The following ZC3H12B variants were observed in gnomAD, a reference collection of about 807,000 sequenced individuals.
ZC3H12B encodes probable ribonuclease ZC3H12B.
A neutral mutation model predicts 43.9 loss-of-function variants in ZC3H12B; 7 were observed. That is an observed-to-expected ratio of 0.16 (90% CI 0.09 to 0.30). The LOEUF is 0.30. Among genes scored for constraint, ZC3H12B ranks in the 10% least tolerant of loss-of-function variants. The probability of loss-of-function intolerance (pLI) is 1.00; values close to 1 mark genes in which losing one functional copy is unlikely to be tolerated. For synonymous variants in ZC3H12B, 222 were observed against 241.7 expected, an observed-to-expected ratio of 0.92 and a Z score of 0.76; for missense variants, 475 against 670.2, an observed-to-expected ratio of 0.71 and a Z score of 3.22.
the ZC3H12B span, among the ~76,000 whole-genome samples, chrX:65,224,544 C>G: frequency 8.9e-6 from 1 of 112,695 alleles, no homozygotes; most frequent in East Asian, 2.8e-4. Context: ...GTGCAGTGCA[C>G]CGTGCATGAG....
the ZC3H12B span, among the ~76,000 whole-genome samples, chrX:65,326,954 A>G: frequency 9.0e-6 from 1 of 111,426 alleles, no homozygotes; most frequent in South Asian, 3.7e-4. Flanking sequence ...TACAATGGCT[A>G]TTATCAAAAA....
At chrX:65,266,727 G>T in the ZC3H12B span, among the ~76,000 whole-genome samples, 1 of 111,286 alleles carries the variant, frequency 9.0e-6, no homozygotes, top group African/African-American at 3.3e-5. Flanking sequence ...AAAGAATTGT[G>T]TTTATGGGTT....
the ZC3H12B span, among the ~76,000 whole-genome samples, chrX:65,243,429 C>G: frequency 9.0e-6 from 1 of 111,722 alleles, no homozygotes; most frequent in East Asian, 2.8e-4. Flanking sequence ...TATCTTACTC[C>G]AGTTAGAATG....
chrX:65,479,055 C>T (rs1415749447), intron 3 of ZC3H12B, among the ~76,000 whole-genome samples: 3 of 112,269 alleles, frequency 2.7e-5, no homozygotes, highest in East Asian at 5.6e-4. Flanking sequence ...CTCTAAATCA[C>T]ATCAAATAAA....
the ZC3H12B span, among the ~76,000 whole-genome samples, chrX:65,142,106 G>T: frequency 8.9e-6 from 1 of 112,009 alleles, no homozygotes; most frequent in Admixed American, 9.5e-5. Context: ...CATAGTGGTT[G>T]TACTAGTTTA....
intron 2 of ZC3H12B, among the ~76,000 whole-genome samples, chrX:65,388,100 A>T (rs1376733914): frequency 9.0e-6 from 1 of 111,260 alleles, no homozygotes; most frequent in Non-Finnish European, 1.9e-5. Context: ...AACTTTGGTG[A>T]ATCTGACAAT....
chrX:65,496,721 C>T (rs1251397759), intron 1 of ZC3H12B, among the ~76,000 whole-genome samples: 4 of 111,000 alleles, frequency 3.6e-5, no homozygotes, highest in Non-Finnish European at 5.7e-5. Context: ...TTTGGGAGGC[C>T]GAGGCAGGCA....
the ZC3H12B span, among the ~76,000 whole-genome samples, chrX:65,321,958 G>A: frequency 9.0e-6 from 1 of 111,120 alleles, no homozygotes; most frequent in Middle Eastern, 4.7e-3. Context: ...TAATACCTGG[G>A]TGATTAGATA....
the ZC3H12B span, among the ~76,000 whole-genome samples, chrX:65,126,812 T>A: frequency 9.3e-6 from 1 of 107,787 alleles, no homozygotes; most frequent in Non-Finnish European, 1.9e-5. Context: ...ATATTTTATA[T>A]TTAATCAAAG....
chrX:65,486,225 A>T (rs2068122381), upstream of ZC3H12B, among the ~76,000 whole-genome samples: 1 of 112,218 alleles, frequency 8.9e-6, no homozygotes, highest in Non-Finnish European at 1.9e-5. Flanking sequence ...TTCTTGCATA[A>T]CTATTAGTAA....
the ZC3H12B span, among the ~76,000 whole-genome samples, chrX:65,081,381 A>G: frequency 3.6e-5 from 4 of 111,423 alleles, no homozygotes; most frequent in African/African-American, 1.3e-4. Context: ...TCGGTTGCTT[A>G]CATGAAACAC....
At chrX:65,331,385 G>T in the ZC3H12B span, among the ~76,000 whole-genome samples, 3 of 110,761 alleles carry the variant, frequency 2.7e-5, no homozygotes, top group Non-Finnish European at 5.7e-5. Flanking sequence ...TAAGCCAAAT[G>T]CAGGAAGACA....
the ZC3H12B span, among the ~76,000 whole-genome samples, chrX:65,342,746 A>G: frequency 1.8e-5 from 2 of 109,861 alleles, no homozygotes; most frequent in African/African-American, 6.6e-5. Flanking sequence ...AACTAAAGGA[A>G]CTAGAGAACA....
the ZC3H12B span, among the ~76,000 whole-genome samples, chrX:65,126,981 G>A: frequency 9.1e-6 from 1 of 110,358 alleles, no homozygotes; most frequent in African/African-American, 3.3e-5. Context: ...TATTCGACCT[G>A]CTGAATTCTT....
chrX:65,171,058 C>T, the ZC3H12B span, among the ~76,000 whole-genome samples: 1 of 111,969 alleles, frequency 8.9e-6, no homozygotes, highest in Non-Finnish European at 1.9e-5. Context: ...GAGTCATTCT[C>T]CATCCAGCTT....
the ZC3H12B span, among the ~76,000 whole-genome samples, chrX:65,215,296 G>T: frequency 1.8e-5 from 2 of 111,743 alleles, no homozygotes; most frequent in African/African-American, 6.5e-5. Context: ...AGCTGTGAAA[G>T]TCGTCGATGG....
At chrX:65,097,513 A>G in the ZC3H12B span, among the ~76,000 whole-genome samples, 2 of 111,743 alleles carry the variant, frequency 1.8e-5, no homozygotes, top group African/African-American at 6.5e-5. Context: ...TATCTCTTCT[A>G]CTTTCAAAGT....
chrX:65,408,482 T>C, intron 3 of ZC3H12B: 1 of 1,210,954 alleles, frequency 8.3e-7, no homozygotes, highest in South Asian at 1.8e-5. Flanking sequence ...TCAGCATCTT[T>C]CTTATGGCCA....
chrX:65,212,650 CAT>C, the ZC3H12B span, among the ~76,000 whole-genome samples: 4 of 77,510 alleles, frequency 5.2e-5, no homozygotes, highest in Non-Finnish European at 9.4e-5. Flanking sequence ...GATTATATAT[CAT>C]ATATTATATA....
Sources: allele counts gnomAD v4.1 joint callset (sites outside exome capture counted in the v4.1 genomes callset), GRCh38; gene constraint gnomAD v4.1.1; transcripts MANE v1.5; gene names NCBI Gene and HGNC (gene_info 2026-07-23, HGNC 2026-07-21).